Variants in SMIM44 observed in about 807,000 individuals in gnomAD.
The protein encoded by SMIM44 is small integral membrane protein 44.
the SMIM44 span, chr19:3,483,235 G>T: frequency 2.5e-6 from 1 of 398,598 alleles, no homozygotes; most frequent in East Asian, 3.6e-5. Context: ...TTGATGAGGT[G>T]CCCGACGATG....
chr19:3,483,415 G>A, the SMIM44 span: 3 of 397,748 alleles, frequency 7.5e-6, no homozygotes, highest in Non-Finnish European at 1.3e-5. Context: ...GTGTCCGCCC[G>A]GCACAGGGGA....
the SMIM44 span, chr19:3,482,848 C>T: frequency 2.5e-6 from 1 of 397,944 alleles, no homozygotes. Context: ...GATGGGGGGT[C>T]CTTGAAGGCA....
chr19:3,482,922 C>A, the SMIM44 span: 1 of 398,202 alleles, frequency 2.5e-6, no homozygotes, highest in Admixed American at 4.4e-5. Context: ...CCCACCCCCG[C>A]CGGCGTCCTC....
the SMIM44 span, chr19:3,483,382 C>T: frequency 2.5e-6 from 1 of 398,040 alleles, no homozygotes; most frequent in East Asian, 3.6e-5. Flanking sequence ...TCGGCCTCCC[C>T]CTCGGCCGCC....
chr19:3,482,884 G>A, the SMIM44 span: 4 of 397,220 alleles, frequency 1.0e-5, no homozygotes, highest in South Asian at 2.6e-4. Context: ...GGCTCCGGGG[G>A]AGGCGGGGGT....
chr19:3,482,866 G>A, the SMIM44 span: 1 of 398,064 alleles, frequency 2.5e-6, no homozygotes, highest in Non-Finnish European at 4.4e-6. Flanking sequence ...GCAATGGAGG[G>A]GCGGCGGGGC....
At chr19:3,483,010 G>C in the SMIM44 span, 9 of 398,362 alleles carry the variant, frequency 2.3e-5, no homozygotes, top group Middle Eastern at 1.2e-3. Context: ...CGCAGCTCCC[G>C]GGGTGCGGCC....
chr19:3,482,694 G>T, the SMIM44 span: 1 of 396,400 alleles, frequency 2.5e-6, no homozygotes, highest in Non-Finnish European at 4.4e-6. Flanking sequence ...GGCTGGGAAG[G>T]AGAAAGCCGT....
At chr19:3,483,279 A>T in the SMIM44 span, 8 of 398,330 alleles carry the variant, frequency 2.0e-5, no homozygotes, top group African/African-American at 1.6e-4. Context: ...CAGCGCGGCC[A>T]GCAGCAGGTA....
chr19:3,482,754 T>A, the SMIM44 span: 1 of 397,526 alleles, frequency 2.5e-6, no homozygotes, highest in Non-Finnish European at 4.4e-6. Context: ...CCGGCGCGCG[T>A]AAGTTCTGTC....
At chr19:3,483,126 G>A in the SMIM44 span, 1 of 398,438 alleles carries the variant, frequency 2.5e-6, no homozygotes, top group South Asian at 1.3e-4. Context: ...GCTAGGAGAA[G>A]CACTAGGATC....
chr19:3,482,638 C>T, the SMIM44 span, among the ~76,000 whole-genome samples: 138 of 152,324 alleles, frequency 9.1e-4, 1 homozygote, highest in South Asian at 3.7e-3. Context: ...GCCGGGCAGG[C>T]TCTGCGTATG....
chr19:3,483,241 C>T, the SMIM44 span: 1 of 398,574 alleles, frequency 2.5e-6, no homozygotes, highest in Non-Finnish European at 4.4e-6. Flanking sequence ...AGGTGCCCGA[C>T]GATGGCGTAG....
At chr19:3,483,035 C>T in the SMIM44 span, 2 of 398,428 alleles carry the variant, frequency 5.0e-6, no homozygotes, top group African/African-American at 4.1e-5. Context: ...GGTCTGGCTT[C>T]GGGCCAAACG....
the SMIM44 span, chr19:3,483,337 ACTC>A: frequency 2.5e-6 from 1 of 397,808 alleles, no homozygotes. Context: ...GGCGGCCGGT[ACTC>A]CTCGTACAGC....
the SMIM44 span, chr19:3,483,437 G>T: frequency 2.5e-6 from 1 of 397,400 alleles, no homozygotes; most frequent in South Asian, 1.4e-4. Context: ...GCCCGGAGGT[G>T]ACCCACACAG....
At chr19:3,483,138 C>G in the SMIM44 span, 1 of 398,314 alleles carries the variant, frequency 2.5e-6, no homozygotes, top group South Asian at 1.3e-4. Flanking sequence ...ACTAGGATCC[C>G]CTGACCACCC....
At chr19:3,483,347 C>G in the SMIM44 span, 1 of 398,142 alleles carries the variant, frequency 2.5e-6, no homozygotes, top group East Asian at 3.6e-5. Context: ...ACTCCTCGTA[C>G]AGCGGCGGGG....
At chr19:3,483,432 GAGGTGACCCAC>G in the SMIM44 span, 1 of 397,524 alleles carries the variant, frequency 2.5e-6, no homozygotes, top group Non-Finnish European at 4.4e-6. Flanking sequence ...GGGAGGCCCG[GAGGTGACCCAC>G]ACAGCGGAAG....
Sources: gnomAD v4.1 joint callset for allele counts (sites outside exome capture counted in the v4.1 genomes callset) on GRCh38, gnomAD v4.1.1 for gene constraint, MANE v1.5 for transcripts, NCBI Gene and HGNC (gene_info 2026-07-23, HGNC 2026-07-21) for gene names.